USP5: variants seen among roughly 807,000 people sequenced by gnomAD.
USP5 encodes ubiquitin specific peptidase 5, also known as ubiquitin carboxyl-terminal hydrolase 5.
Under a neutral mutation model 102.5 loss-of-function variants are expected in USP5, and 24 were observed. The ratio of observed to expected loss-of-function variants is 0.23; its 90% CI spans 0.17 to 0.33. USP5 has a LOEUF of 0.33. USP5 is among the 10% of genes least tolerant of loss of function. The pLI, the probability that USP5 is intolerant of heterozygous loss-of-function variation, is 1.00. For missense variants in USP5, 753 were observed against 1,122.1 expected (o/e 0.67, Z 4.70); for synonymous variants, 460 against 434.8 (o/e 1.06, Z -0.72).
intron 1 of USP5, among the ~76,000 whole-genome samples, chr12:6,854,637 AGTCC>A (rs1217933328): frequency 6.6e-6 from 1 of 151,268 alleles, no homozygotes; most frequent in East Asian, 1.9e-4. Flanking sequence ...ATGTGCCTGT[AGTCC>A]CAGCTCCTTT....
rs375029370 is a variant in USP5 at position 6,855,966 on chromosome 12, A to G, written c.305-51A>G. The G allele has an allele frequency of 1.2e-6, 2 of 1,611,158 alleles. No homozygotes were observed. The highest frequency in any genetic ancestry group is 1.7e-6 in the Non-Finnish European group (2 of 1,177,828). ...TGAGGTGCTGGCTCGGAGGAGGGAC[A>G]TTGACCTGTTGTCATTGCTCTACTC... On this transcript the variant is annotated intron_variant, in intron 3 of 19. Transcript: ENST00000229268. The surrounding 1 kb of genome is among the most constrained non-coding windows in gnomAD (Gnocchi z 4.6).
intron 1 of USP5, among the ~76,000 whole-genome samples, chr12:6,854,430 G>A (rs1555127720): frequency 6.6e-6 from 1 of 152,052 alleles, no homozygotes; most frequent in Non-Finnish European, 1.5e-5. Context: ...TGTGGACCAG[G>A]GTTCGACTAC....
At position 6,859,491 on chromosome 12, in the gene USP5, G is replaced by T; in HGVS notation, c.1080G>T (p.Lys360Asn). 1.9e-6 allele frequency: 3 copies of T among 1,614,156 alleles called. No homozygotes were observed. Among genetic ancestry groups the T allele is most frequent in the South Asian group, 1.1e-5 (1 of 91,086 alleles). Residue 360 changes from lysine to asparagine, a missense_variant, in exon 9 of 20, where the codon AAG becomes AAT. Physicochemically the swap from Lys to Asn is moderately conservative, Grantham distance 94 (BLOSUM62 0). This residue lies in a region of USP5 where 527 missense variants were observed against 816.5 expected (regional missense o/e 0.65). Coordinates refer to ENST00000229268, the MANE Select transcript of USP5 (RefSeq NM_001098536.2). Reference protein sequence around the residue: ...FQRKYVDKLEKIFQNAPTDPT... With the variant: ...FQRKYVDKLENIFQNAPTDPT... ...TTAGGTATGTGGATAAGCTGGAGAA[G>T]ATCTTCCAGAATGCCCCGACGGACC...
rs1944438697 is a variant in USP5, at chr12:6,866,133, A to T, written c.*56A>T. On this transcript the variant is annotated 3_prime_UTR_variant, in exon 20 of 20. Coordinates refer to ENST00000229268, the MANE Select transcript of USP5 (RefSeq NM_001098536.2). The surrounding 1 kb of genome is among the most constrained non-coding windows in gnomAD (Gnocchi z 4.7). ...AGGGGAAGACCACCTGGCATGAGGGAGAGGGGCTGAGGGATGGACTTCAGC... is the reference window on the plus strand; with the variant it reads ...AGGGGAAGACCACCTGGCATGAGGGTGAGGGGCTGAGGGATGGACTTCAGC... 6.7e-7 allele frequency: 1 copy of T among 1,496,922 alleles called. No individual in the cohort carries two copies. 92.7% of individuals were successfully genotyped at this position (1,496,922 alleles called of 1,614,324 possible).
rs782558662 is a variant in USP5 at position 6,863,889 on chromosome 12, G to A, written c.2014G>A (p.Ala672Thr). The A allele has an allele frequency of 5.6e-6, 9 of 1,611,504 alleles. No individual in the cohort carries two copies. Among genetic ancestry groups the A allele is most frequent in the Admixed American group, 5.0e-5 (3 of 59,708 alleles). ...QLVEMGFPMD[A>T]CRKAVYYTGN... ...GGTGGAGATGGGATTCCCTATGGAC[G>A]CCTGCCGCAAAGCTGTCTACTACAC... The change falls in exon 16 of 20, where the codon GCC (alanine) becomes ACC (threonine). Residue 672 changes from alanine to threonine, a missense_variant. Ala to Thr is a moderately conservative substitution (Grantham distance 58). Coordinates refer to ENST00000229268, the MANE Select transcript of USP5 (RefSeq NM_001098536.2). The surrounding 1 kb of genome is among the most constrained non-coding windows in gnomAD (Gnocchi z 4.7).
At position 6,861,857 on chromosome 12, in the gene USP5, T is replaced by C. The variant is rs976857269; in HGVS notation, c.1673+240T>C. ...TCCCTCTTCTGTGGCACAGGGTCTC[T>C]TTGTAGTGTAGCCTCTCTTCATTGC... On this transcript the variant is annotated intron_variant, in intron 13 of 19. Transcript: ENST00000229268. The surrounding 1 kb of genome is among the most constrained non-coding windows in gnomAD (Gnocchi z 4.9). Among the ~76,000 whole-genome samples, 20 of 152,204 alleles carry C rather than the reference T, an allele frequency of 1.3e-4. No homozygotes were observed. The highest frequency in any genetic ancestry group is 4.8e-4 in the African/African-American group (20 of 41,444).
In USP5 at chr12:6,856,507, A is replaced by G. The variant is rs1285464233; in HGVS notation, c.584+57A>G. ...CCCCCAGAGCAAGGACAAGGAGCCC[A>G]CTTTTCTGGGGGATCTGGTGGGAGA... is the stretch of plus-strand genomic sequence containing the variant. On this transcript the variant is annotated intron_variant, in intron 5 of 19. Transcript: ENST00000229268. The surrounding 1 kb of genome is among the most constrained non-coding windows in gnomAD (Gnocchi z 5.6). 1.7e-5 allele frequency: 26 copies of G among 1,566,052 alleles called. No homozygotes were observed. Among genetic ancestry groups the G allele is most frequent in the Admixed American group, 3.7e-5 (2 of 54,722 alleles).
intron 1 of USP5, among the ~76,000 whole-genome samples, chr12:6,853,444 G>A (rs1232753303): frequency 6.6e-6 from 1 of 152,240 alleles, no homozygotes; most frequent in Non-Finnish European, 1.5e-5. Context: ...AGAGGTAAAA[G>A]AGCACTGCGC....
intron 14 of USP5, 111 bp downstream of exon 14, chr12:6,862,669 T>A: frequency 2.1e-6 from 2 of 947,682 alleles, no homozygotes; most frequent in Middle Eastern, 2.4e-4. Flanking sequence ...GGAAAAAAAA[T>A]CACCTTCAAT....
rs1156540937 is a variant in USP5 at position 6,866,245 on chromosome 12, G to A, written c.*168G>A. 2 of 635,970 alleles carry A rather than the reference G, an allele frequency of 3.1e-6. No individual in the cohort carries two copies. The highest frequency in any genetic ancestry group is 1.9e-5 in the South Asian group (1 of 52,788). 39.4% of individuals were successfully genotyped at this position (635,970 alleles called of 1,614,324 possible). A position where few individuals can be genotyped will look rare whatever the true frequency, so the allele number is the denominator to read the frequency against. ...GGGAGAATGGCTGGGCAGAGCAGAGGGGCAGCGATAGACTCTGGGGATGGA... is the reference window on the plus strand; with the variant it reads ...GGGAGAATGGCTGGGCAGAGCAGAGAGGCAGCGATAGACTCTGGGGATGGA... On this transcript the variant is annotated 3_prime_UTR_variant, in exon 20 of 20. Coordinates refer to ENST00000229268, the MANE Select transcript of USP5 (RefSeq NM_001098536.2). The surrounding 1 kb of genome is among the most constrained non-coding windows in gnomAD (Gnocchi z 4.7).
chr12:6,862,532 G>A lies in USP5; in HGVS notation c.1736G>A (p.Gly579Asp). The A allele has an allele frequency of 6.2e-7, 1 of 1,614,178 alleles. No homozygotes were observed. Among genetic ancestry groups the A allele is most frequent in the Non-Finnish European group, 8.5e-7 (1 of 1,180,016 alleles). ...LVIQIKKFTF[G>D]LDWVPKKLDV... ...ATCCAGATCAAGAAGTTCACCTTCG[G>A]CTTAGACTGGGTGCCCAAGAAACTG... Residue 579 changes from glycine to aspartate, a missense_variant, in exon 14 of 20, where the codon GGC (glycine) becomes GAC (aspartate). Transcript: ENST00000229268.
At position 6,860,065 on chromosome 12, in the gene USP5, G is replaced by A; in HGVS notation, c.1131-86G>A. 6.9e-7 allele frequency: 1 copy of A among 1,453,620 alleles called. No individual in the cohort carries two copies. 90.0% of individuals were successfully genotyped at this position (1,453,620 alleles called of 1,614,324 possible). A position where few individuals can be genotyped will look rare whatever the true frequency, so the allele number is the denominator to read the frequency against. Reference sequence around the variant, plus strand: ...TTTCACGTTGTTGAGAGTTAGCTAGGGAGAGCCACGAGCAGGGGGTTGAGC... The same window carrying A: ...TTTCACGTTGTTGAGAGTTAGCTAGAGAGAGCCACGAGCAGGGGGTTGAGC... On this transcript the variant is annotated intron_variant, in intron 9 of 19. Transcript: ENST00000229268. The surrounding 1 kb of genome is among the most constrained non-coding windows in gnomAD (Gnocchi z 5.5).
rs368767886 is a variant in USP5 at position 6,860,749 on chromosome 12, C to T, written c.1345-204C>T. On this transcript the variant is annotated intron_variant, in intron 11 of 19. Coordinates refer to ENST00000229268, the MANE Select transcript of USP5 (RefSeq NM_001098536.2). This position sits in a 1 kb window ranked among gnomAD's most constrained non-coding sequence, Gnocchi z 5.5. ...TGCTGCTTATAAAGAAAAATACAAG[C>T]GTGTTCTAACACAGTCCCTCAGTGC... Among the ~76,000 whole-genome samples the T allele has an allele frequency of 2.6e-4, 40 of 152,304 alleles. No individual in the cohort carries two copies. Among genetic ancestry groups the T allele is most frequent in the Middle Eastern group, 3.4e-3 (1 of 294 alleles).
In USP5 at chr12:6,864,631, G is replaced by C. The variant is rs1043220969; in HGVS notation, c.2245-91G>C. ...GTGAACCCGGGAGGCGGAGCTTGCA[G>C]TGAGCCGAGATCGCGCCACTGCACT... On this transcript the variant is annotated intron_variant, in intron 17 of 19. Coordinates refer to ENST00000229268, the MANE Select transcript of USP5 (RefSeq NM_001098536.2). This position sits in a 1 kb window ranked among gnomAD's most constrained non-coding sequence, Gnocchi z 4.8. 4.9e-6 allele frequency: 7 copies of C among 1,439,488 alleles called. No homozygotes were observed. Among genetic ancestry groups the C allele is most frequent in the Admixed American group, 1.9e-5 (1 of 53,610 alleles). The allele number at this position is 1,439,488 out of a possible 1,614,324, so 89.2% of individuals were successfully genotyped here.
Position 6,857,830 on chromosome 12 carries a change from C to G in USP5, c.864+107C>G, listed in dbSNP as rs1363999078. On this transcript the variant is annotated intron_variant, in intron 7 of 19. Coordinates refer to ENST00000229268, the MANE Select transcript of USP5 (RefSeq NM_001098536.2). The stretch of plus-strand genomic sequence containing the variant: ...TTTTGGAGAAATCTTCTAGTTAACC[C>G]CATCCCCAAGATACACAGGCTTCTT... 3 of 1,069,146 alleles carry G rather than the reference C, an allele frequency of 2.8e-6. No homozygotes were observed. The African/African-American group carries it at 4.7e-5, about 17-fold the overall frequency. The allele number at this position is 1,069,146 out of a possible 1,614,324, so 66.2% of individuals were successfully genotyped here. A position where few individuals can be genotyped will look rare whatever the true frequency, so the allele number is the denominator to read the frequency against.
rs1416593680 is a variant in USP5 at position 6,864,404 on chromosome 12, G to C, written c.2244+209G>C. Among the ~76,000 whole-genome samples, 4 of 152,194 alleles carry C rather than the reference G, an allele frequency of 2.6e-5. No individual in the cohort carries two copies. The highest frequency in any genetic ancestry group is 4.4e-5 in the Non-Finnish European group (3 of 68,032). On this transcript the variant is annotated intron_variant, in intron 17 of 19. Transcript: ENST00000229268. This position sits in a 1 kb window ranked among gnomAD's most constrained non-coding sequence, Gnocchi z 4.8. ...AACTTGTTAAAAATGTAATGCTTCTGTTTGGCCGGGCGCGGTGGCTCACGC... is the reference window on the plus strand; with the variant it reads ...AACTTGTTAAAAATGTAATGCTTCTCTTTGGCCGGGCGCGGTGGCTCACGC...
rs11830318 is a variant in USP5 at position 6,860,538 on chromosome 12, C to A, written c.1344+47C>A. 15,146 of 1,608,468 alleles carry A rather than the reference C, an allele frequency of 9.4e-3. 696 individuals are homozygous for A. In the Admixed American group the frequency reaches 0.1, roughly 11 times the overall value. On this transcript the variant is annotated intron_variant, in intron 11 of 19. Transcript: ENST00000229268. This position sits in a 1 kb window ranked among gnomAD's most constrained non-coding sequence, Gnocchi z 5.5. Reference sequence around the variant, plus strand: ...CACCCCCATCTTCCTGCAATTTACTCGCTCTCCTTCCTGCCCATTTCTCCC... The same window carrying A: ...CACCCCCATCTTCCTGCAATTTACTAGCTCTCCTTCCTGCCCATTTCTCCC...
rs782096199 is a variant in USP5 at position 6,864,427 on chromosome 12, C to T, written c.2244+232C>T. ...CTGTTTGGCCGGGCGCGGTGGCTCA[C>T]GCCTGTAATCCCAGCACTTTGGGAG... On this transcript the variant is annotated intron_variant, in intron 17 of 19. Transcript: ENST00000229268. This position sits in a 1 kb window ranked among gnomAD's most constrained non-coding sequence, Gnocchi z 4.8. Among the ~76,000 whole-genome samples the T allele has an allele frequency of 3.9e-5, 6 of 152,330 alleles. No individual in the cohort carries two copies. Among genetic ancestry groups the T allele is most frequent in the East Asian group, 1.9e-4 (1 of 5,182 alleles).
chr12:6,862,677 A>G (rs1944314198), intron 14 of USP5, 119 bp downstream of exon 14: 4 of 843,652 alleles, frequency 4.7e-6, no homozygotes, highest in Non-Finnish European at 7.4e-6. Context: ...AATCACCTTC[A>G]ATGTTTCAAA....
Sources: allele counts gnomAD v4.1 joint callset (sites outside exome capture counted in the v4.1 genomes callset), GRCh38; gene constraint gnomAD v4.1.1; regional missense constraint gnomAD v4.1.1; non-coding constraint Gnocchi (gnomAD v3.1); transcripts MANE v1.5; gene names NCBI Gene and HGNC (gene_info 2026-07-23, HGNC 2026-07-21).